MYBPC3: variants seen among roughly 807,000 people sequenced by gnomAD.
MYBPC3 encodes the protein myosin-binding protein C, cardiac-type.
Under a neutral mutation model 159.3 loss-of-function variants are expected in MYBPC3, and 108 were observed. The ratio of observed to expected loss-of-function variants is 0.68; its 90% CI spans 0.58 to 0.80. The LOEUF (loss-of-function observed/expected upper bound fraction) is 0.80, where lower values mean the gene tolerates loss of function less well. MYBPC3 is among the 30% of genes least tolerant of loss of function. MYBPC3 has a pLI of 0.00. For missense variants in MYBPC3, 1,631 were observed against 1,762.1 expected, an observed-to-expected ratio of 0.93 and a Z score of 1.33; for synonymous variants, 730 against 702.0, an observed-to-expected ratio of 1.04 and a Z score of -0.63.
rs730880697 is a variant in MYBPC3 at position 47,335,071 on chromosome 11, G to A, written c.2876C>T (p.Thr959Met). 5.0e-6 allele frequency: 8 copies of A among 1,589,550 alleles called. No individual in the cohort carries two copies. Among genetic ancestry groups the A allele is most frequent in the South Asian group, 4.5e-5 (4 of 87,976 alleles). The part of the protein sequence containing the change: ...MAGPGAPVTT[T>M]EPVTVQEILQ... Reference sequence around the variant, plus strand: ...GATCTCCTGCACTGTCACCGGCTCCGTGGTGGTAACAGGGGCTCCAGGCCC... The same window carrying A: ...GATCTCCTGCACTGTCACCGGCTCCATGGTGGTAACAGGGGCTCCAGGCCC... The change falls in exon 27 of 35, where the codon ACG becomes ATG. Residue 959 changes from threonine to methionine, a missense_variant. Coordinates refer to ENST00000545968, the MANE Select transcript of MYBPC3 (RefSeq NM_000256.3).
In MYBPC3 at chr11:47,351,558, C is replaced by T. The variant is rs1018035432; in HGVS notation, c.26-53G>A. 4.7e-6 allele frequency: 7 copies of T among 1,496,174 alleles called. No individual in the cohort carries two copies. The highest frequency in any genetic ancestry group is 1.3e-5 in the South Asian group (1 of 75,260). 92.7% of individuals were successfully genotyped at this position (1,496,174 alleles called of 1,614,324 possible). A position where few individuals can be genotyped will look rare whatever the true frequency, so the allele number is the denominator to read the frequency against. On this transcript the variant is annotated intron_variant, in intron 1 of 34. Coordinates refer to ENST00000545968, the MANE Select transcript of MYBPC3 (RefSeq NM_000256.3). The surrounding 1 kb of genome is among the most constrained non-coding windows in gnomAD (Gnocchi z 4.2). ...GCCCCTGGTTGGAGCGTGCACCCCG[C>T]CCCTGCAGCCCCTCTCAGTAAATAC...
In MYBPC3 at chr11:47,332,537, G is replaced by T. The variant is rs572304970; in HGVS notation, c.3627+29C>A. ...GGCCTGTGAGCCCTGCCTCCTGGTCGGCCTGGACCAGCGCCTAAAGTTCCC... is the reference window on the plus strand; with the variant it reads ...GGCCTGTGAGCCCTGCCTCCTGGTCTGCCTGGACCAGCGCCTAAAGTTCCC... On this transcript the variant is annotated intron_variant, in intron 32 of 34. Coordinates refer to ENST00000545968, the MANE Select transcript of MYBPC3 (RefSeq NM_000256.3). This position sits in a 1 kb window ranked among gnomAD's most constrained non-coding sequence, Gnocchi z 4.2. 2 of 1,590,848 alleles carry T rather than the reference G, an allele frequency of 1.3e-6. No homozygotes were observed. The highest frequency in any genetic ancestry group is 1.7e-4 in the Middle Eastern group (1 of 5,958).
intron 2 of MYBPC3, 56 bp from the exon 3 acceptor site, chr11:47,350,671 C>A: frequency 7.1e-7 from 1 of 1,418,402 alleles, no homozygotes; most frequent in Non-Finnish European, 9.2e-7. Flanking sequence ...ACCCCTCCAC[C>A]CTCTCTCTCC....
chr11:47,351,224 T>C lies in MYBPC3; in HGVS notation c.292+15A>G, dbSNP rs893184768. On this transcript the variant is annotated intron_variant, in intron 2 of 34. Transcript: ENST00000545968. This position sits in a 1 kb window ranked among gnomAD's most constrained non-coding sequence, Gnocchi z 4.2. ...CAGCAGCCCAAACCTCAGGGAAGGC[T>C]GATCAGGATCTTACCTGCCTCTATG... 1 of 1,486,264 alleles carries C rather than the reference T, an allele frequency of 6.7e-7. No individual in the cohort carries two copies. The highest frequency in any genetic ancestry group is 1.3e-5 in the South Asian group (1 of 78,576). The allele number at this position is 1,486,264 out of a possible 1,614,324, so 92.1% of individuals were successfully genotyped here.
chr11:47,339,963 C>G (rs968850130), intron 20 of MYBPC3, among the ~76,000 whole-genome samples, 173 bp from the exon 21 acceptor site: 1 of 152,186 alleles, frequency 6.6e-6, no homozygotes, highest in African/African-American at 2.4e-5. Context: ...GATGAATACA[C>G]CCATGCAATT....
Position 47,351,376 on chromosome 11 carries a change from C to T in MYBPC3, c.155G>A (p.Ser52Asn). Residue 52 changes from serine to asparagine, a missense_variant, in exon 2 of 35, where the codon AGC becomes AAC. Ser to Asn is a conservative substitution (Grantham distance 46). Transcript: ENST00000545968. The surrounding 1 kb of genome is among the most constrained non-coding windows in gnomAD (Gnocchi z 4.2). ...CTCTGTGGCCAGGCCGTACTTGTTG[C>T]TGGCGCTGATGTCACTGCCTCCGCG... The part of the protein sequence containing the change: ...WQRGGSDISA[S>N]NKYGLATEGT... The T allele has an allele frequency of 6.2e-7, 1 of 1,608,600 alleles. No individual in the cohort carries two copies. The highest frequency in any genetic ancestry group is 8.5e-7 in the Non-Finnish European group (1 of 1,177,912).
Position 47,331,688 on chromosome 11 carries a change from C to G in MYBPC3, c.*55G>C, listed in dbSNP as rs2095875358. 1.3e-6 allele frequency: 1 copy of G among 760,084 alleles called. No homozygotes were observed. The highest frequency in any genetic ancestry group is 2.7e-5 in the East Asian group (1 of 36,590). 47.1% of individuals were successfully genotyped at this position (760,084 alleles called of 1,614,324 possible). The stretch of plus-strand genomic sequence containing the variant: ...GGTTTCCCCAACTTCCCTCCAGGCT[C>G]CTGGCACGGGGCTGGCATCCGGTTG... On this transcript the variant is annotated 3_prime_UTR_variant, in exon 35 of 35. Transcript: ENST00000545968.
In MYBPC3 at chr11:47,351,315, G is replaced by GC; in HGVS notation, c.215dup (p.Ala74CysfsTer39). 1 of 1,583,710 alleles carries GC rather than the reference G, an allele frequency of 6.3e-7. No homozygotes were observed. Among genetic ancestry groups the GC allele is most frequent in the Non-Finnish European group, 8.6e-7 (1 of 1,164,804 alleles). ...CTGCGTAAGATCCCTGGTCGGCAGG[G>GC]CCCACTTCCCGCACTGTCAGCGTAT... On this transcript the variant is annotated frameshift_variant, in exon 2 of 35. Coordinates refer to ENST00000545968, the MANE Select transcript of MYBPC3 (RefSeq NM_000256.3). LOFTEE classifies it high-confidence loss of function. This position sits in a 1 kb window ranked among gnomAD's most constrained non-coding sequence, Gnocchi z 4.2.
intron 17 of MYBPC3, 139 bp from the exon 18 acceptor site, chr11:47,342,295 T>C: frequency 8.6e-7 from 1 of 1,166,244 alleles, no homozygotes. Flanking sequence ...CGTGTGCCTG[T>C]GTGTGCCATG....
intron 9 of MYBPC3, 48 bp downstream of exon 9, chr11:47,347,378 G>A: frequency 1.3e-6 from 2 of 1,557,710 alleles, no homozygotes; most frequent in Non-Finnish European, 1.7e-6. Context: ...GCTGGGATTT[G>A]GAGCCAGGCC....
rs2095886675 is a variant in MYBPC3 at position 47,339,912 on chromosome 11, A to G, written c.1928-122T>C. 7.4e-6 allele frequency: 8 copies of G among 1,087,646 alleles called. No individual in the cohort carries two copies. The Admixed American group carries it at 1.7e-4, about 23-fold the overall frequency. The allele number at this position is 1,087,646 out of a possible 1,614,324, so 67.4% of individuals were successfully genotyped here. ...TGGTTTTTTAGATTTGTATTGAGGT[A>G]TAGTTTATGCTCAGATCTGACAGTA... On this transcript the variant is annotated intron_variant, in intron 20 of 34. Transcript: ENST00000545968.
chr11:47,344,548 G>A (rs1015736251), intron 12 of MYBPC3, among the ~76,000 whole-genome samples: 6 of 152,182 alleles, frequency 3.9e-5, no homozygotes, highest in Non-Finnish European at 7.3e-5. Context: ...GGAAGTGGGG[G>A]CTCCATCCAC....
At chr11:47,349,317 G>A (rs917549413) in intron 5 of MYBPC3, among the ~76,000 whole-genome samples, 10 of 152,100 alleles carry the variant, frequency 6.6e-5, no homozygotes, top group African/African-American at 2.4e-4. Context: ...AACCTCTCAA[G>A]CTTTGGTTTC....
In MYBPC3 at chr11:47,347,435, A is replaced by C; in HGVS notation, c.896T>G (p.Leu299Arg). 6.3e-7 allele frequency: 1 copy of C among 1,588,812 alleles called. No individual in the cohort carries two copies. The highest frequency in any genetic ancestry group is 8.6e-7 in the Non-Finnish European group (1 of 1,167,960). Residue 299 changes from leucine (L) to arginine (R), a missense_variant, in exon 9 of 35, where the codon CTG becomes CGG. Transcript: ENST00000545968. ...GCCACCCAGGACTCACCTCTTTTTC[A>C]GCAGTGAGCTGAAGTCCAGAATCCC... ...DTGILDFSSL[L>R]KKRDSFRTPR...
At chr11:47,347,737 G>T in intron 7 of MYBPC3, 57 bp from the exon 8 acceptor site, 2 of 1,551,190 alleles carry the variant, frequency 1.3e-6, no homozygotes, top group Non-Finnish European at 1.7e-6. Context: ...CTCCCCTGCA[G>T]CCCCCACTGA....
chr11:47,345,798 T>C (rs1381766853), intron 12 of MYBPC3, among the ~76,000 whole-genome samples: 1 of 152,206 alleles, frequency 6.6e-6, no homozygotes, highest in African/African-American at 2.4e-5. Context: ...TTCCCTTTTC[T>C]TTTGGGTGTG....
At chr11:47,340,810 C>T (rs1227647222) in intron 20 of MYBPC3, among the ~76,000 whole-genome samples, 193 bp downstream of exon 20, 1 of 152,228 alleles carries the variant, frequency 6.6e-6, no homozygotes, top group Non-Finnish European at 1.5e-5. Context: ...TCAGGGTTCC[C>T]ATTTTAGAGA....
In MYBPC3 at chr11:47,350,095, G is replaced by A; in HGVS notation, c.424C>T (p.Leu142Phe). 1.3e-6 allele frequency: 2 copies of A among 1,556,228 alleles called. No homozygotes were observed. Among genetic ancestry groups the A allele is most frequent in the Non-Finnish European group, 1.7e-6 (2 of 1,149,640 alleles). Residue 142 changes from leucine (L) to phenylalanine (F), a missense_variant, in exon 4 of 35, where the codon CTC (leucine) becomes TTC (phenylalanine). By Grantham distance (22) the Leu-to-Phe change is conservative (BLOSUM62 0). Coordinates refer to ENST00000545968, the MANE Select transcript of MYBPC3 (RefSeq NM_000256.3). ...GGGGCTCCAGGGGTAGGACCATTGA[G>A]AGCTGCTGAGCTTGACCCTGTGAGC... ...PSPKGSSSAALNGPTPGAPDD... is the reference protein window; with the variant it reads ...PSPKGSSSAAFNGPTPGAPDD...
rs1432810664 is a variant in MYBPC3, at chr11:47,343,069, G to C, written c.1303C>G (p.Gln435Glu). Residue 435 changes from glutamine (Q) to glutamate (E), a missense_variant, in exon 15 of 35, where the codon CAG (glutamine) becomes GAG (glutamate). By Grantham distance (29) the Gln-to-Glu change is conservative. Transcript: ENST00000545968. Reference sequence around the variant, plus strand: ...CACTTCTCGCCACCCACCACGCACTGGTAGGCTGCGTCGTCCGCCAATGAG... The same window carrying C: ...CACTTCTCGCCACCCACCACGCACTCGTAGGCTGCGTCGTCCGCCAATGAG... ...QCSLADDAAY[Q>E]CVVGGEKCST... 6.2e-7 allele frequency: 1 copy of C among 1,612,618 alleles called. No homozygotes were observed. The highest frequency in any genetic ancestry group is 1.1e-5 in the South Asian group (1 of 90,780).
Sources: allele counts gnomAD v4.1 joint callset (sites outside exome capture counted in the v4.1 genomes callset), GRCh38; gene constraint gnomAD v4.1.1; non-coding constraint Gnocchi (gnomAD v3.1); transcripts MANE v1.5; gene names NCBI Gene and HGNC (gene_info 2026-07-23, HGNC 2026-07-21).